Variants in KDM4C observed in about 807,000 individuals in gnomAD.
The protein encoded by KDM4C is lysine-specific demethylase 4C.
Under a neutral mutation model 129.3 loss-of-function variants are expected in KDM4C, and 81 were observed. The ratio of observed to expected loss-of-function variants is 0.63; its 90% CI spans 0.52 to 0.75. The LOEUF is 0.75. Among genes scored for constraint, KDM4C ranks in the 30% least tolerant of loss-of-function variants. KDM4C has a pLI of 0.00. For synonymous variants in KDM4C, 573 were observed against 456.1 expected, an observed-to-expected ratio of 1.26 and a Z score of -3.26; for missense variants, 1,457 against 1,304.0, an observed-to-expected ratio of 1.12 and a Z score of -1.81.
intron 2 of KDM4C, among the ~76,000 whole-genome samples, chr9:6,796,071 CAG>C (rs1321492723): frequency 6.6e-6 from 1 of 152,158 alleles, no homozygotes; most frequent in Non-Finnish European, 1.5e-5. Flanking sequence ...AGAAAACAAA[CAG>C]AAACTAAAGC....
intron 18 of KDM4C, among the ~76,000 whole-genome samples, chr9:7,122,018 G>A (rs1006475673): frequency 6.6e-6 from 1 of 151,962 alleles, no homozygotes; most frequent in Non-Finnish European, 1.5e-5. Context: ...ATGGTCTGGA[G>A]CACCTATGTT....
chr9:6,738,743 C>A (rs1030154026), intron 1 of KDM4C, among the ~76,000 whole-genome samples: 1 of 151,966 alleles, frequency 6.6e-6, no homozygotes, highest in Admixed American at 6.6e-5. Flanking sequence ...CCACGCCCAA[C>A]TAATTTTTCT....
chr9:6,993,655 C>T (rs1306748386), intron 12 of KDM4C, among the ~76,000 whole-genome samples: 2 of 152,208 alleles, frequency 1.3e-5, no homozygotes, highest in East Asian at 3.9e-4. Context: ...TCTGGTGCAC[C>T]CGTGCACTTA....
intron 8 of KDM4C, among the ~76,000 whole-genome samples, chr9:6,909,156 G>A (rs567474297): frequency 5.3e-5 from 8 of 152,332 alleles, no homozygotes; most frequent in Middle Eastern, 3.4e-3. Flanking sequence ...GTATTAGAAA[G>A]TAAAGAATGT....
At chr9:6,867,027 T>A (rs1462312585) in intron 5 of KDM4C, among the ~76,000 whole-genome samples, 2 of 141,738 alleles carry the variant, frequency 1.4e-5, no homozygotes, top group African/African-American at 2.6e-5. Context: ...ATTTTTTTTT[T>A]TTTTTGGAAG....
At chr9:6,730,856 G>C (rs1817308710) in intron 1 of KDM4C, among the ~76,000 whole-genome samples, 1 of 152,172 alleles carries the variant, frequency 6.6e-6, no homozygotes, top group Non-Finnish European at 1.5e-5. Flanking sequence ...CAGTGTATGA[G>C]TGGTTGAAGT....
intron 4 of KDM4C, among the ~76,000 whole-genome samples, chr9:6,826,723 C>G (rs1274326008): frequency 1.3e-5 from 2 of 151,954 alleles, no homozygotes; most frequent in Non-Finnish European, 1.5e-5. Context: ...AAAAATTAGC[C>G]AGGCATGGTG....
At chr9:6,995,386 CAG>C (rs1478395934) in intron 12 of KDM4C, among the ~76,000 whole-genome samples, 12 of 152,084 alleles carry the variant, frequency 7.9e-5, no homozygotes, top group Non-Finnish European at 2.9e-5. Flanking sequence ...TATTTCCACA[CAG>C]AGAATAGTTG....
At chr9:7,003,608 C>G (rs537282774) in intron 12 of KDM4C, among the ~76,000 whole-genome samples, 2 of 152,232 alleles carry the variant, frequency 1.3e-5, no homozygotes, top group South Asian at 4.1e-4. Context: ...TTCTTAAGTG[C>G]TTTAGACTTT....
intron 11 of KDM4C, 57 bp from the exon 12 acceptor site, chr9:6,990,359 T>C: frequency 8.8e-7 from 1 of 1,134,114 alleles, no homozygotes. Flanking sequence ...GGGTTTTTTT[T>C]TTTTGTAGTT....
intron 15 of KDM4C, among the ~76,000 whole-genome samples, chr9:7,026,003 G>A (rs1825750270): frequency 1.3e-5 from 2 of 152,086 alleles, no homozygotes; most frequent in Admixed American, 6.5e-5. Flanking sequence ...TCAGGAGTTC[G>A]AGACCATCCT....
At chr9:6,917,719 C>G (rs1319912031) in intron 8 of KDM4C, among the ~76,000 whole-genome samples, 2 of 152,168 alleles carry the variant, frequency 1.3e-5, no homozygotes, top group African/African-American at 2.4e-5. Context: ...TGTCTTGCTT[C>G]TCATCTCATT....
intron 7 of KDM4C, among the ~76,000 whole-genome samples, chr9:6,889,172 A>T (rs572398378): frequency 7.7e-6 from 1 of 129,676 alleles, no homozygotes; most frequent in East Asian, 2.3e-4. Flanking sequence ...CTAAATCTTT[A>T]CATTTTCTTC....
At chr9:6,980,826 A>G in intron 8 of KDM4C, 99 bp from the exon 9 acceptor site, 1 of 975,692 alleles carries the variant, frequency 1.0e-6, no homozygotes, top group Admixed American at 2.2e-5. Flanking sequence ...TCCATTATGT[A>G]GTGACTAAGT....
intron 4 of KDM4C, among the ~76,000 whole-genome samples, chr9:6,819,868 A>C (rs117733074): frequency 6.6e-5 from 10 of 152,318 alleles, no homozygotes; most frequent in African/African-American, 2.2e-4. Context: ...TTCAGTATTT[A>C]AATTGTACCA....
At chr9:7,064,780 A>G (rs954811709) in intron 17 of KDM4C, among the ~76,000 whole-genome samples, 2 of 152,138 alleles carry the variant, frequency 1.3e-5, no homozygotes, top group Non-Finnish European at 2.9e-5. Context: ...GAGTGCTCTT[A>G]GGTTAATAGT....
chr9:7,156,706 G>A (rs1240990805), intron 19 of KDM4C, among the ~76,000 whole-genome samples: 2 of 152,096 alleles, frequency 1.3e-5, no homozygotes, highest in Non-Finnish European at 2.9e-5. Flanking sequence ...TGTTCCATTG[G>A]TCTATATCTC....
At chr9:7,066,345 TCAA>T (rs1038340034) in intron 17 of KDM4C, among the ~76,000 whole-genome samples, 2 of 152,182 alleles carry the variant, frequency 1.3e-5, no homozygotes, top group African/African-American at 4.8e-5. Context: ...TACAGAACTT[TCAA>T]GGATGTCATT....
At chr9:6,976,818 A>AT (rs34764841) in intron 8 of KDM4C, among the ~76,000 whole-genome samples, 109,779 of 150,282 alleles carry the variant, frequency 0.73, 40,400 homozygotes, top group Middle Eastern at 0.81. Flanking sequence ...ATGTTGTTTG[A>AT]TTTTTTTTTT....
Sources: gnomAD v4.1 joint callset for allele counts (sites outside exome capture counted in the v4.1 genomes callset) on GRCh38, gnomAD v4.1.1 for gene constraint, MANE v1.5 for transcripts, NCBI Gene and HGNC (gene_info 2026-07-23, HGNC 2026-07-21) for gene names.